Variants in EPS15L1 observed in about 807,000 individuals in gnomAD.
EPS15L1 encodes epidermal growth factor receptor substrate 15-like 1.
Under a neutral mutation model 117.1 loss-of-function variants are expected in EPS15L1, and 43 were observed. The observed-to-expected ratio is 0.37, with a 90% CI of 0.29 to 0.47. The LOEUF (loss-of-function observed/expected upper bound fraction) is 0.47, where lower values mean the gene tolerates loss of function less well. Ranked by LOEUF, EPS15L1 falls within the 20% of genes least tolerant of loss-of-function variation. EPS15L1 has a pLI of 0.99. For missense variants in EPS15L1, 981 were observed against 1,164.0 expected (o/e 0.84, Z 2.29); for synonymous variants, 459 against 470.5 (o/e 0.98, Z 0.32).
At chr19:16,396,739 G>T (rs1318524754) in intron 16 of EPS15L1, among the ~76,000 whole-genome samples, 1 of 152,184 alleles carries the variant, frequency 6.6e-6, no homozygotes, top group African/African-American at 2.4e-5. Context: ...CAAGAAAATT[G>T]TAACGAGCCA....
intron 15 of EPS15L1, among the ~76,000 whole-genome samples, chr19:16,402,781 C>T (rs1440396695): frequency 6.6e-6 from 1 of 151,970 alleles, no homozygotes; most frequent in Non-Finnish European, 1.5e-5. Context: ...GATGGGGTCT[C>T]GCTATGTTGT....
chr19:16,434,059 C>T (rs908315565), intron 7 of EPS15L1, among the ~76,000 whole-genome samples: 2 of 152,194 alleles, frequency 1.3e-5, no homozygotes, highest in Admixed American at 6.5e-5. Flanking sequence ...AGTTGGGGAG[C>T]TTAAGACTGA....
At position 16,417,488 on chromosome 19, in the gene EPS15L1, G is replaced by A. The variant is rs566588204; in HGVS notation, c.1193+64C>T. 12 of 1,377,124 alleles carry A rather than the reference G, an allele frequency of 8.7e-6. No individual in the cohort carries two copies. The East Asian group carries it at 1.4e-4, about 16-fold the overall frequency. The allele number at this position is 1,377,124 out of a possible 1,614,324, so 85.3% of individuals were successfully genotyped here. On this transcript the variant is annotated intron_variant, in intron 12 of 23. Coordinates refer to ENST00000455140, the MANE Select transcript of EPS15L1 (RefSeq NM_001258374.3). ...TTCCAGGTGAGCCTCTGATATTTCCGATAACAACCTGGGAGAGTTCGTGTA... is the reference window on the plus strand; with the variant it reads ...TTCCAGGTGAGCCTCTGATATTTCCAATAACAACCTGGGAGAGTTCGTGTA...
chr19:16,438,298 A>G (rs2092996927), intron 4 of EPS15L1, among the ~76,000 whole-genome samples: 1 of 152,162 alleles, frequency 6.6e-6, no homozygotes, highest in African/African-American at 2.4e-5. Context: ...GGCTGCAGTG[A>G]GCCAAGATCA....
chr19:16,374,553 C>T (rs1162789273), intron 22 of EPS15L1, among the ~76,000 whole-genome samples: 1 of 152,050 alleles, frequency 6.6e-6, no homozygotes, highest in Admixed American at 6.5e-5. Context: ...CAGCAGAAGC[C>T]AAGGTGGGGT....
intron 1 of EPS15L1, among the ~76,000 whole-genome samples, chr19:16,458,516 C>T (rs2093218125): frequency 6.6e-6 from 1 of 151,964 alleles, no homozygotes; most frequent in East Asian, 1.9e-4. Context: ...ACCCACGGCC[C>T]TGCCTTCACC....
chr19:16,428,894 G>T, intron 7 of EPS15L1, 133 bp from the exon 8 acceptor site: 1 of 671,082 alleles, frequency 1.5e-6, no homozygotes. Flanking sequence ...TACATTTCAG[G>T]ACCAGTCCGC....
intron 1 of EPS15L1, among the ~76,000 whole-genome samples, chr19:16,464,729 T>TACACTAACAA (rs1555772280): frequency 6.7e-6 from 1 of 148,518 alleles, no homozygotes; most frequent in South Asian, 2.2e-4. Context: ...ACACATAAAA[T>TACACTAACAA]ACACTAACAC....
At chr19:16,398,757 C>T (rs745846994) in intron 16 of EPS15L1, among the ~76,000 whole-genome samples, 1 of 152,140 alleles carries the variant, frequency 6.6e-6, no homozygotes, top group Non-Finnish European at 1.5e-5. Flanking sequence ...TTTTGACCTG[C>T]TCCGCTTCTG....
At position 16,417,954 on chromosome 19, in the gene EPS15L1, G is replaced by A. The variant is rs200865144; in HGVS notation, c.1101C>T (p.Pro367=). The stretch of plus-strand genomic sequence containing the variant: ...CATGACCAGCACCACTCACCGGGCC[G>A]GGCGTGCCTCTCTCCGAAGGCGGGA... ...DMVPPSERGT[P]GPDSSGSLGS... Residue 367 remains proline (P), a synonymous_variant, in exon 11 of 24, where the codon CCC becomes CCT. Coordinates refer to ENST00000455140, the MANE Select transcript of EPS15L1 (RefSeq NM_001258374.3). 3.8e-5 allele frequency: 62 copies of A among 1,612,960 alleles called. No individual in the cohort carries two copies. Among genetic ancestry groups the A allele is most frequent in the South Asian group, 6.6e-5 (6 of 91,004 alleles).
chr19:16,414,089 T>C (rs781583705), intron 12 of EPS15L1, among the ~76,000 whole-genome samples: 3 of 152,132 alleles, frequency 2.0e-5, no homozygotes, highest in Admixed American at 6.5e-5. Context: ...TTTCTCCACC[T>C]GGTTGCCCAA....
chr19:16,448,569 C>T (rs896293734), intron 1 of EPS15L1, among the ~76,000 whole-genome samples: 7 of 144,092 alleles, frequency 4.9e-5, no homozygotes, highest in East Asian at 4.0e-4. Context: ...AAAGGCCGGG[C>T]GCGGTGGCTC....
chr19:16,376,818 G>A (rs1285896553), intron 22 of EPS15L1, among the ~76,000 whole-genome samples: 2 of 152,238 alleles, frequency 1.3e-5, no homozygotes, highest in Admixed American at 6.5e-5. Flanking sequence ...ATGCTCAGGC[G>A]GAGGCCGCAC....
intron 1 of EPS15L1, among the ~76,000 whole-genome samples, chr19:16,469,845 A>G (rs1194281318): frequency 6.6e-6 from 1 of 152,054 alleles, no homozygotes; most frequent in African/African-American, 2.4e-5. Flanking sequence ...TTTGCCCCCA[A>G]CCAAAAATTT....
At chr19:16,469,987 G>A (rs950721283) in intron 1 of EPS15L1, among the ~76,000 whole-genome samples, 1 of 151,386 alleles carries the variant, frequency 6.6e-6, no homozygotes, top group South Asian at 2.1e-4. Flanking sequence ...ATTTTCACTC[G>A]AGAGCAAGTG....
intron 16 of EPS15L1, chr19:16,400,685 T>A: frequency 1.0e-6 from 1 of 985,484 alleles, no homozygotes; most frequent in Non-Finnish European, 1.2e-6. Flanking sequence ...TTCTTTCGGA[T>A]GCCAGTTGCA....
chr19:16,415,967 C>T (rs531145045), intron 12 of EPS15L1, among the ~76,000 whole-genome samples: 2 of 152,214 alleles, frequency 1.3e-5, no homozygotes, highest in African/African-American at 4.8e-5. Context: ...AACACGGCCC[C>T]CAGGAGCTGA....
intron 1 of EPS15L1, among the ~76,000 whole-genome samples, chr19:16,466,936 A>G (rs1457076693): frequency 6.6e-6 from 1 of 151,750 alleles, no homozygotes; most frequent in Non-Finnish European, 1.5e-5. Context: ...CACTGAGAGC[A>G]CATGCGTCAC....
chr19:16,418,192 G>C, intron 10 of EPS15L1, 88 bp from the exon 11 acceptor site: 1 of 1,457,620 alleles, frequency 6.9e-7, no homozygotes, highest in Non-Finnish European at 9.3e-7. Context: ...TTTCAAAAAC[G>C]ACAGCGACGA....
Sources: allele counts gnomAD v4.1 joint callset (sites outside exome capture counted in the v4.1 genomes callset), GRCh38; gene constraint gnomAD v4.1.1; transcripts MANE v1.5; gene names NCBI Gene and HGNC (gene_info 2026-07-23, HGNC 2026-07-21).